Variants in WDFY1 observed in about 807,000 individuals in gnomAD.
WDFY1 encodes WD repeat and FYVE domain-containing protein 1.
WDFY1 carries 32 observed loss-of-function variants against 56.4 expected under a neutral mutation model. The ratio of observed to expected loss-of-function variants is 0.57; its 90% CI spans 0.43 to 0.76. The LOEUF (loss-of-function observed/expected upper bound fraction) is 0.76, where lower values mean the gene tolerates loss of function less well. Among genes scored for constraint, WDFY1 ranks in the 30% least tolerant of loss-of-function variants. The pLI is 0.00. For missense variants in WDFY1, 480 were observed against 545.7 expected, an observed-to-expected ratio of 0.88 and a Z score of 1.20; for synonymous variants, 192 against 197.3, an observed-to-expected ratio of 0.97 and a Z score of 0.23.
At chr2:223,924,355 G>A (rs1241034589) in intron 1 of WDFY1, among the ~76,000 whole-genome samples, 5 of 152,058 alleles carry the variant, frequency 3.3e-5, no homozygotes, top group African/African-American at 7.2e-5. Context: ...GGGTATGCAC[G>A]CCACTACCAT....
At chr2:223,944,361 A>T (rs762019827) in intron 1 of WDFY1, among the ~76,000 whole-genome samples, 4 of 152,276 alleles carry the variant, frequency 2.6e-5, no homozygotes, top group Non-Finnish European at 5.9e-5. Context: ...AAACCCCGCC[A>T]GGGAGAGAGA....
intron 1 of WDFY1, among the ~76,000 whole-genome samples, chr2:223,923,295 T>C (rs55862183): frequency 0.019 from 2,951 of 152,338 alleles, 85 homozygotes; most frequent in Middle Eastern, 0.065. Flanking sequence ...GTATTTTGTA[T>C]TATGTCCAGA....
rs1692948511 is a variant in WDFY1 at position 223,875,360 on chromosome 2, A to T, written c.*3311T>A. 7.0e-6 allele frequency: 1 copy of T among 143,240 alleles called. No homozygotes were observed. Among genetic ancestry groups the T allele is most frequent in the Non-Finnish European group, 1.5e-5 (1 of 65,886 alleles). 8.9% of individuals were successfully genotyped at this position (143,240 alleles called of 1,614,324 possible). ...TAGGCAAACACAGTAACAAGCAAGG[A>T]ATGTTTTATTGTGTACATTTTCTCA... On this transcript the variant is annotated 3_prime_UTR_variant, in exon 12 of 12. Transcript: ENST00000233055.
chr2:223,885,045 T>C (rs936401568), intron 8 of WDFY1, among the ~76,000 whole-genome samples: 1 of 152,114 alleles, frequency 6.6e-6, no homozygotes, highest in African/African-American at 2.4e-5. Flanking sequence ...TTTTGCCATG[T>C]TGGCCAGGCT....
chr2:223,904,421 T>C (rs1693563134), intron 4 of WDFY1, among the ~76,000 whole-genome samples: 2 of 19,570 alleles, frequency 1.0e-4, no homozygotes, highest in Non-Finnish European at 3.6e-4. Flanking sequence ...CCAGCTAATT[T>C]TTGTTATTTT....
chr2:223,913,833 GA>G (rs1279003876), intron 2 of WDFY1, among the ~76,000 whole-genome samples: 1 of 150,428 alleles, frequency 6.6e-6, no homozygotes, highest in East Asian at 2.0e-4. Context: ...ATTTCAAAAA[GA>G]AAAAAAAGGC....
intron 1 of WDFY1, among the ~76,000 whole-genome samples, chr2:223,941,920 A>G (rs749117981): frequency 1.7e-4 from 26 of 152,286 alleles, no homozygotes; most frequent in Non-Finnish European, 3.4e-4. Context: ...GAAGTGTAGC[A>G]CCTACTAAAA....
At chr2:223,917,334 CAA>C (rs928901999) in intron 2 of WDFY1, among the ~76,000 whole-genome samples, 4 of 151,622 alleles carry the variant, frequency 2.6e-5, no homozygotes, top group African/African-American at 9.7e-5. Context: ...CCATAAAGGA[CAA>C]AGTTACTACT....
At chr2:223,891,281 G>A (rs1247134463) in intron 8 of WDFY1, among the ~76,000 whole-genome samples, 1 of 147,338 alleles carries the variant, frequency 6.8e-6, no homozygotes, top group Non-Finnish European at 1.5e-5. Context: ...TACCTGGGAG[G>A]CTGAGGTGGG....
chr2:223,943,265 C>A, intron 1 of WDFY1, among the ~76,000 whole-genome samples: 1 of 151,990 alleles, frequency 6.6e-6, no homozygotes, highest in East Asian at 1.9e-4. Context: ...TGCACTCGAT[C>A]TCTCTCACTC....
At chr2:223,943,998 T>A (rs534626579) in intron 1 of WDFY1, among the ~76,000 whole-genome samples, 31 of 152,314 alleles carry the variant, frequency 2.0e-4, no homozygotes, top group African/African-American at 7.5e-4. Flanking sequence ...GTTATTAGTT[T>A]ACTCTGTCTG....
At chr2:223,890,986 G>C (rs953098231) in intron 8 of WDFY1, among the ~76,000 whole-genome samples, 1 of 152,164 alleles carries the variant, frequency 6.6e-6, no homozygotes, top group Non-Finnish European at 1.5e-5. Context: ...GCTCCAGTTA[G>C]TATTGACAGG....
Position 223,895,576 on chromosome 2 carries a change from G to A in WDFY1, c.653C>T (p.Ala218Val). Residue 218 changes from alanine to valine, a missense_variant, in exon 7 of 12, where the codon GCA becomes GTA. Ala to Val is a moderately conservative substitution (Grantham distance 64). Transcript: ENST00000233055. ...DPIQRLLFSG[A>V]SDNSIIMWDI... is the part of the protein sequence containing the mutation. Reference sequence around the variant, plus strand: ...CCACATGATGATGCTGTTGTCAGATGCTCCTGAGAAGAGTAACCGCTGAAT... The same window carrying A: ...CCACATGATGATGCTGTTGTCAGATACTCCTGAGAAGAGTAACCGCTGAAT... The A allele has an allele frequency of 6.2e-7, 1 of 1,614,018 alleles. No homozygotes were observed. The highest frequency in any genetic ancestry group is 8.5e-7 in the Non-Finnish European group (1 of 1,179,964).
chr2:223,892,031 G>A (rs1693288108), intron 8 of WDFY1, among the ~76,000 whole-genome samples: 1 of 152,188 alleles, frequency 6.6e-6, no homozygotes, highest in Admixed American at 6.5e-5. Flanking sequence ...TTGGAGCGCA[G>A]TGGTGCAAGC....
chr2:223,907,507 C>T (rs1261113901), intron 3 of WDFY1, among the ~76,000 whole-genome samples: 8 of 152,142 alleles, frequency 5.3e-5, no homozygotes, highest in Non-Finnish European at 8.8e-5. Flanking sequence ...TGCCCCTTTC[C>T]ATTGAACAAC....
chr2:223,896,949 T>C (rs1693391329), intron 6 of WDFY1, among the ~76,000 whole-genome samples: 1 of 152,116 alleles, frequency 6.6e-6, no homozygotes, highest in Non-Finnish European at 1.5e-5. Flanking sequence ...CTGAAAAAAC[T>C]GGCGAGCCTG....
chr2:223,879,823 G>A (rs1693036057), intron 11 of WDFY1, among the ~76,000 whole-genome samples: 2 of 152,164 alleles, frequency 1.3e-5, no homozygotes, highest in African/African-American at 4.8e-5. Context: ...TCTTGAGATG[G>A]GTCAGGGGTG....
rs776456289 is a variant in WDFY1, at chr2:223,939,100, C to T, written c.137+6048G>A. 4.6e-5 allele frequency among the ~76,000 whole-genome samples: 7 copies of T among 152,064 alleles called. 1 individual carries two copies. The highest frequency in any genetic ancestry group is 2.1e-4 in the South Asian group (1 of 4,820). On this transcript the variant is annotated intron_variant, in intron 1 of 11. Coordinates refer to ENST00000233055, the MANE Select transcript of WDFY1 (RefSeq NM_020830.5). ...AAATAACCCTCCTTTCTTGTAGAGC[C>T]GTGGTTCTAAGTGTGGTCCCTGGAC...
At chr2:223,937,826 A>C (rs1007770704) in intron 1 of WDFY1, among the ~76,000 whole-genome samples, 3 of 152,226 alleles carry the variant, frequency 2.0e-5, no homozygotes, top group African/African-American at 7.2e-5. Context: ...ATGACAATGA[A>C]AATACAGCAG....
Sources: allele counts gnomAD v4.1 joint callset (sites outside exome capture counted in the v4.1 genomes callset), GRCh38; gene constraint gnomAD v4.1.1; transcripts MANE v1.5; gene names NCBI Gene and HGNC (gene_info 2026-07-23, HGNC 2026-07-21).